PDE11A: variants seen among roughly 807,000 people sequenced by gnomAD.
PDE11A encodes phosphodiesterase 11A, also known as dual 3',5'-cyclic-AMP and -GMP phosphodiesterase 11A.
In PDE11A, 100 loss-of-function variants were observed where a neutral mutation model predicts 100.5. The ratio of observed to expected loss-of-function variants is 1.00; its 90% CI spans 0.85 to 1.18. The LOEUF (loss-of-function observed/expected upper bound fraction) is 1.18. Among genes scored for constraint, PDE11A ranks in the 50% most tolerant of loss-of-function variants. PDE11A has a pLI of 0.00. For missense variants in PDE11A, 1,141 were observed against 1,152.6 expected, an observed-to-expected ratio of 0.99 and a Z score of 0.15; for synonymous variants, 381 against 420.8, an observed-to-expected ratio of 0.91 and a Z score of 1.16.
rs745755269 is a variant in PDE11A at position 177,727,698 on chromosome 2, T to A, written c.2003A>T (p.His668Leu). Residue 668 changes from histidine (H) to leucine (L), a missense_variant, in exon 12 of 20, where the codon CAT (histidine) becomes CTT (leucine). By Grantham distance (99) the His-to-Leu change is moderately conservative (BLOSUM62 -3). Transcript: ENST00000286063. ...CATCAGCTGACACACGTTGAAGGCA[T>A]GTCTCCAGTTGTGGTATAGAACCAT... ...YRMVLYHNWRHAFNVCQLMFA... is the reference protein window; with the variant it reads ...YRMVLYHNWRLAFNVCQLMFA... 6.2e-7 allele frequency: 1 copy of A among 1,611,432 alleles called. No individual in the cohort carries two copies. Among genetic ancestry groups the A allele is most frequent in the South Asian group, 1.1e-5 (1 of 91,042 alleles).
intron 6 of PDE11A, among the ~76,000 whole-genome samples, chr2:177,830,558 G>A (rs1021407438): frequency 2.0e-5 from 3 of 151,118 alleles, no homozygotes; most frequent in Non-Finnish European, 4.4e-5. Context: ...CCGAGAATGA[G>A]CCACTGCACT....
intron 4 of PDE11A, among the ~76,000 whole-genome samples, chr2:177,886,575 G>T (rs1306636315): frequency 6.6e-6 from 1 of 152,056 alleles, no homozygotes; most frequent in Non-Finnish European, 1.5e-5. Flanking sequence ...GCAATAAGCA[G>T]TTTTTTTAAG....
chr2:177,669,465 A>T (rs752180649), intron 18 of PDE11A, 28 bp downstream of exon 18: 5 of 894,342 alleles, frequency 5.6e-6, no homozygotes, highest in African/African-American at 1.6e-5. Flanking sequence ...AAAAGGGTAA[A>T]TACGTTATAA....
rs377465002 is a variant in PDE11A, at chr2:177,774,014, T to C, written c.1738-4641A>G. ...GTCCCATAGGATTTTCTGGGATGCA[T>C]TCAGAAAGATGGTGGTGCTTCAGTT... On this transcript the variant is annotated intron_variant, in intron 9 of 19. Transcript: ENST00000286063. Among the ~76,000 whole-genome samples, 28 of 152,302 alleles carry C rather than the reference T, an allele frequency of 1.8e-4. 3 individuals are homozygous for C. The East Asian group carries it at 5.0e-3, about 27-fold the overall frequency.
At chr2:177,815,535 C>T (rs10930811) in intron 9 of PDE11A, among the ~76,000 whole-genome samples, 61,431 of 151,602 alleles carry the variant, frequency 0.41, 14,227 homozygotes, top group African/African-American at 0.64. Context: ...GCATCCCTTG[C>T]CAAGGTAAGG....
At chr2:177,888,680 C>A (rs4468852) in intron 4 of PDE11A, 272,415 of 968,702 alleles carry the variant, frequency 0.28, 39,109 homozygotes, top group Middle Eastern at 0.35. Flanking sequence ...GGCCCTAGTT[C>A]AGTTCTCAGG....
At chr2:177,697,233 T>A (rs1407534161) in intron 15 of PDE11A, 99 bp downstream of exon 15, 5 of 748,496 alleles carry the variant, frequency 6.7e-6, no homozygotes, top group Non-Finnish European at 1.2e-5. Flanking sequence ...TACACATTGA[T>A]ATCAATGCTA....
chr2:178,107,460 TTAAA>T (rs1437714807), intron 1 of PDE11A, among the ~76,000 whole-genome samples: 2 of 150,908 alleles, frequency 1.3e-5, no homozygotes, highest in South Asian at 4.3e-4. Context: ...AATTTCAACA[TTAAA>T]TAGAGTAACA....
intron 2 of PDE11A, among the ~76,000 whole-genome samples, chr2:177,953,665 T>C (rs952239336): frequency 6.6e-6 from 1 of 152,114 alleles, no homozygotes; most frequent in Non-Finnish European, 1.5e-5. Flanking sequence ...ATTCCCTATT[T>C]CCCATCTCCT....
At chr2:178,044,363 T>A (rs1166566932) in intron 1 of PDE11A, among the ~76,000 whole-genome samples, 2 of 147,318 alleles carry the variant, frequency 1.4e-5, no homozygotes, top group African/African-American at 5.0e-5. Flanking sequence ...ATATAAACTT[T>A]ATATATATGT....
chr2:177,955,413 T>C (rs1057305895), intron 2 of PDE11A, among the ~76,000 whole-genome samples: 3 of 152,220 alleles, frequency 2.0e-5, no homozygotes, highest in African/African-American at 7.2e-5. Context: ...CATAAGTTAC[T>C]GGTCATGAGT....
intron 3 of PDE11A, chr2:177,899,637 A>AATATATAT (rs3037901): frequency 0.019 from 3,877 of 208,740 alleles, 51 homozygotes; most frequent in African/African-American, 0.043. Context: ...CAGATTCTTA[A>AATATATAT]ATATATATAT....
intron 9 of PDE11A, among the ~76,000 whole-genome samples, chr2:177,791,785 T>C (rs913503004): frequency 6.6e-6 from 1 of 152,166 alleles, no homozygotes; most frequent in South Asian, 2.1e-4. Flanking sequence ...TTTTACTATA[T>C]TTTGTTACCT....
chr2:178,064,283 A>G (rs1039791253), intron 1 of PDE11A, among the ~76,000 whole-genome samples: 3 of 152,224 alleles, frequency 2.0e-5, no homozygotes, highest in African/African-American at 7.2e-5. Flanking sequence ...ATGAGGTTGT[A>G]CAGAGAACAG....
intron 14 of PDE11A, among the ~76,000 whole-genome samples, chr2:177,699,544 G>A (rs551716750): frequency 2.2e-4 from 34 of 152,240 alleles, no homozygotes; most frequent in African/African-American, 7.5e-4. Flanking sequence ...GTGCCTTAAC[G>A]TTTTGGTCCC....
intron 2 of PDE11A, chr2:177,997,665 T>A (rs1559036886): frequency 1.9e-6 from 3 of 1,544,942 alleles, no homozygotes; most frequent in South Asian, 1.1e-5. Flanking sequence ...AATCTTTGAG[T>A]TTTTCTGCAT....
At chr2:177,864,459 T>C (rs143897078) in intron 5 of PDE11A, among the ~76,000 whole-genome samples, 1 of 152,326 alleles carries the variant, frequency 6.6e-6, no homozygotes, top group African/African-American at 2.4e-5. Context: ...ACATGTTGTA[T>C]ACCTTAAATA....
At chr2:177,701,635 C>T (rs968221057) in intron 13 of PDE11A, among the ~76,000 whole-genome samples, 5 of 152,160 alleles carry the variant, frequency 3.3e-5, no homozygotes, top group East Asian at 1.9e-4. Flanking sequence ...TTTCTGGCTC[C>T]GGGGATCAGG....
At chr2:177,956,623 C>T (rs1249657490) in intron 2 of PDE11A, among the ~76,000 whole-genome samples, 8 of 152,004 alleles carry the variant, frequency 5.3e-5, no homozygotes, top group Admixed American at 2.6e-4. Context: ...ATGTTTATTG[C>T]GGCACTATTC....
Sources: gnomAD v4.1 joint callset for allele counts (sites outside exome capture counted in the v4.1 genomes callset) on GRCh38, gnomAD v4.1.1 for gene constraint, MANE v1.5 for transcripts, NCBI Gene and HGNC (gene_info 2026-07-23, HGNC 2026-07-21) for gene names.